The following SPAG16 variants were observed in gnomAD, a reference collection of about 807,000 sequenced individuals.
SPAG16 encodes the protein sperm-associated antigen 16 protein.
A neutral mutation model predicts 80.4 loss-of-function variants in SPAG16; 86 were observed. The observed-to-expected ratio is 1.07, with a 90% CI of 0.90 to 1.28. SPAG16 has a LOEUF of 1.28. Among genes scored for constraint, SPAG16 ranks in the 50% most tolerant of loss-of-function variants. The pLI, the probability that SPAG16 is intolerant of heterozygous loss-of-function variation, is 0.00. For synonymous variants in SPAG16, 294 were observed against 265.9 expected (o/e 1.11, Z -1.03); for missense variants, 870 against 765.3 (o/e 1.14, Z -1.61).
At chr2:213,735,518 T>G (rs2067243081) in intron 10 of SPAG16, among the ~76,000 whole-genome samples, 1 of 152,154 alleles carries the variant, frequency 6.6e-6, no homozygotes, top group South Asian at 2.1e-4. Flanking sequence ...CAACTGAAGC[T>G]CATATTGTTT....
rs571350862 is a variant in SPAG16 at position 214,409,067 on chromosome 2, C to G, written c.1721-1073C>G. On this transcript the variant is annotated intron_variant, in intron 15 of 15. Coordinates refer to ENST00000331683, the MANE Select transcript of SPAG16 (RefSeq NM_024532.5). ...AAAATATTAGTTACTACTATTAGTACTAACTATTTAAAATATTAAATAGTT... is the reference window on the plus strand; with the variant it reads ...AAAATATTAGTTACTACTATTAGTAGTAACTATTTAAAATATTAAATAGTT... 3.3e-5 allele frequency among the ~76,000 whole-genome samples: 5 copies of G among 150,766 alleles called. No individual in the cohort carries two copies. The South Asian group carries it at 8.6e-4, about 26-fold the overall frequency.
chr2:214,377,668 A>AAAGTT (rs1559255289), intron 15 of SPAG16, among the ~76,000 whole-genome samples: 4 of 152,172 alleles, frequency 2.6e-5, no homozygotes, highest in Admixed American at 6.5e-5. Context: ...GGGGTAGTCA[A>AAAGTT]AAGTTAAGTG....
chr2:213,953,904 T>C (rs1211109633), intron 12 of SPAG16, among the ~76,000 whole-genome samples: 2 of 152,014 alleles, frequency 1.3e-5, no homozygotes, highest in Non-Finnish European at 2.9e-5. Flanking sequence ...TGGTGAATTG[T>C]GGAAACTGCA....
rs111498043 is a variant in SPAG16 at position 213,587,081 on chromosome 2, C to T, written c.1070+96991C>T. Among the ~76,000 whole-genome samples the T allele has an allele frequency of 1.6e-3, 244 of 152,234 alleles. 3 individuals are homozygous for T. Among genetic ancestry groups the T allele is most frequent in the African/African-American group, 4.7e-3 (195 of 41,542 alleles). ...ATGGCTTTTCTGGGCTTGAATCTTG[C>T]GCTGGTGATGATCAGTAGTCTCCGA... On this transcript the variant is annotated intron_variant, in intron 10 of 15. Transcript: ENST00000331683.
intron 15 of SPAG16, among the ~76,000 whole-genome samples, chr2:214,179,752 G>T (rs72941992): frequency 0.24 from 36,117 of 151,230 alleles, 4,830 homozygotes; most frequent in Non-Finnish European, 0.31. Flanking sequence ...CATGTATTTG[G>T]GAGTCTAGGT....
intron 10 of SPAG16, among the ~76,000 whole-genome samples, chr2:213,841,805 C>T (rs2074376653): frequency 6.6e-6 from 1 of 152,076 alleles, no homozygotes; most frequent in East Asian, 1.9e-4. Context: ...TTGGGGCTTA[C>T]ACCTAGTGGC....
At chr2:214,118,041 T>C (rs994083709) in intron 14 of SPAG16, among the ~76,000 whole-genome samples, 8 of 152,108 alleles carry the variant, frequency 5.3e-5, no homozygotes, top group Non-Finnish European at 1.0e-4. Context: ...GCATCCAAAT[T>C]GGAAAGGAGG....
intron 10 of SPAG16, among the ~76,000 whole-genome samples, chr2:213,494,667 T>G (rs1298639788): frequency 6.6e-6 from 1 of 152,240 alleles, no homozygotes; most frequent in East Asian, 1.9e-4. Context: ...TTTGAAAATG[T>G]AAATCAGATC....
At chr2:214,319,562 G>A (rs1695957998) in intron 15 of SPAG16, among the ~76,000 whole-genome samples, 1 of 151,814 alleles carries the variant, frequency 6.6e-6, no homozygotes, top group African/African-American at 2.4e-5. Context: ...TAATCTAGGT[G>A]AAAGTCATGG....
At chr2:214,297,122 G>A (rs1480340632) in intron 15 of SPAG16, among the ~76,000 whole-genome samples, 1 of 152,098 alleles carries the variant, frequency 6.6e-6, no homozygotes, top group African/African-American at 2.4e-5. Context: ...TTATATCAAT[G>A]CAAACAGACT....
At chr2:213,433,681 A>G (rs1308719051) in intron 9 of SPAG16, among the ~76,000 whole-genome samples, 1 of 152,164 alleles carries the variant, frequency 6.6e-6, no homozygotes, top group African/African-American at 2.4e-5. Context: ...ACCCAAAGCA[A>G]TCTACAGGTT....
At chr2:214,024,452 T>G (rs1208368338) in intron 13 of SPAG16, among the ~76,000 whole-genome samples, 4 of 151,626 alleles carry the variant, frequency 2.6e-5, no homozygotes, top group Non-Finnish European at 5.9e-5. Flanking sequence ...ATATCTGTAG[T>G]GAACACAAAA....
At chr2:213,510,585 T>C (rs1234243887) in intron 10 of SPAG16, among the ~76,000 whole-genome samples, 2 of 152,140 alleles carry the variant, frequency 1.3e-5, no homozygotes, top group African/African-American at 4.8e-5. Flanking sequence ...AACTTTAACT[T>C]GGATATTTGT....
intron 10 of SPAG16, 101 bp downstream of exon 10, chr2:213,490,191 G>C (rs917845510): frequency 3.4e-6 from 4 of 1,190,456 alleles, no homozygotes; most frequent in Non-Finnish European, 4.6e-6. Flanking sequence ...TTTGCTTTTA[G>C]CCTTTCAAAA....
At chr2:214,159,947 G>A (rs569232272) in intron 15 of SPAG16, among the ~76,000 whole-genome samples, 14 of 151,884 alleles carry the variant, frequency 9.2e-5, no homozygotes, top group African/African-American at 2.9e-4. Context: ...ATGTTAATTC[G>A]GTTGACAAAT....
At chr2:213,399,794 T>C (rs1056451411) in intron 9 of SPAG16, among the ~76,000 whole-genome samples, 11 of 152,040 alleles carry the variant, frequency 7.2e-5, no homozygotes, top group Admixed American at 7.2e-4. Context: ...TATAGGAAGA[T>C]TTTATACTGT....
At chr2:214,102,788 C>T (rs544205477) in intron 13 of SPAG16, among the ~76,000 whole-genome samples, 4 of 149,646 alleles carry the variant, frequency 2.7e-5, no homozygotes, top group Non-Finnish European at 4.5e-5. Context: ...AGACCGAGAC[C>T]GGGGCAAGTT....
chr2:213,926,266 C>A (rs987881802), intron 11 of SPAG16, among the ~76,000 whole-genome samples: 2 of 151,806 alleles, frequency 1.3e-5, no homozygotes, highest in Middle Eastern at 6.3e-3. Context: ...TAGGTTTTTG[C>A]GGAACAGGTG....
chr2:213,538,446 C>T (rs2076321687), intron 10 of SPAG16, among the ~76,000 whole-genome samples: 2 of 151,988 alleles, frequency 1.3e-5, no homozygotes, highest in Non-Finnish European at 2.9e-5. Context: ...TTATGATTTT[C>T]TAAGGATAAC....
Sources: gnomAD v4.1 joint callset for allele counts (sites outside exome capture counted in the v4.1 genomes callset) on GRCh38, gnomAD v4.1.1 for gene constraint, MANE v1.5 for transcripts, NCBI Gene and HGNC (gene_info 2026-07-23, HGNC 2026-07-21) for gene names.